Variants in IKZF3 observed in about 807,000 individuals in gnomAD.
The protein encoded by IKZF3 is zinc finger protein Aiolos.
Under a neutral mutation model 49.0 loss-of-function variants are expected in IKZF3, and 10 were observed. The ratio of observed to expected loss-of-function variants is 0.20; its 90% confidence interval spans 0.13 to 0.35. IKZF3 has a LOEUF of 0.35. IKZF3 is among the 10% of genes least tolerant of loss of function. The probability of loss-of-function intolerance (pLI) is 1.00; values close to 1 mark genes in which losing one functional copy is unlikely to be tolerated. For missense variants in IKZF3, 498 were observed against 664.8 expected (o/e 0.75, Z 2.76); for synonymous variants, 209 against 228.2 (o/e 0.92, Z 0.76).
chr17:39,783,836 G>A (rs1393575069), intron 6 of IKZF3, among the ~76,000 whole-genome samples: 4 of 152,122 alleles, frequency 2.6e-5, no homozygotes, highest in African/African-American at 9.7e-5. Flanking sequence ...GGCTGAGGCA[G>A]GAGAATTGCT....
At chr17:39,794,615 T>C (rs2061117252) in intron 3 of IKZF3, among the ~76,000 whole-genome samples, 1 of 152,194 alleles carries the variant, frequency 6.6e-6, no homozygotes, top group Admixed American at 6.5e-5. Context: ...TTCACAACTT[T>C]TCACTCTTTG....
In IKZF3 at chr17:39,791,534, T is replaced by C; in HGVS notation, c.474A>G (p.Lys158=). Reference sequence around the variant, plus strand: ...GTTTAATGTGGCGGAGGAGGTTACCTTTCTGAGTAAAAGATGCCCCACACT... The same window carrying C: ...GTTTAATGTGGCGGAGGAGGTTACCCTTCTGAGTAAAAGATGCCCCACACT... ...CNQCGASFTQ[K]GNLLRHIKLH... Residue 158 remains lysine, a synonymous_variant, in exon 5 of 8, where the codon AAA becomes AAG. Transcript: ENST00000346872. 2 of 1,614,058 alleles carry C rather than the reference T, an allele frequency of 1.2e-6. No individual in the cohort carries two copies. Among genetic ancestry groups the C allele is most frequent in the Non-Finnish European group, 1.7e-6 (2 of 1,179,968 alleles).
chr17:39,838,893 G>A (rs1001527098), intron 1 of IKZF3, among the ~76,000 whole-genome samples: 1 of 152,056 alleles, frequency 6.6e-6, no homozygotes, highest in African/African-American at 2.4e-5. Context: ...GAGTGCAGTG[G>A]CATGATCATA....
At chr17:39,798,199 C>T (rs1421585599) in intron 3 of IKZF3, among the ~76,000 whole-genome samples, 1 of 152,192 alleles carries the variant, frequency 6.6e-6, no homozygotes, top group Non-Finnish European at 1.5e-5. Context: ...TTCTCTTTGG[C>T]TCCCTTCTTT....
rs1299223688 is a variant in IKZF3, at chr17:39,761,980, C to CA, written c.*3809dup. The stretch of plus-strand genomic sequence containing the variant: ...CCAGCCTCCCAAAGTGCTGGCATTA[C>CA]AGGCGTGAGCTATCGCGCCCGGCCC... On this transcript the variant is annotated 3_prime_UTR_variant, in exon 8 of 8. Transcript: ENST00000346872. The CA allele has an allele frequency of 6.6e-6, 1 of 152,382 alleles. No homozygotes were observed. The highest frequency in any genetic ancestry group is 6.5e-5 in the Admixed American group (1 of 15,290). 9.4% of individuals were successfully genotyped at this position (152,382 alleles called of 1,614,324 possible).
In IKZF3 at chr17:39,766,245, G is replaced by A; in HGVS notation, c.1075C>T (p.Leu359=). 6.2e-7 allele frequency: 1 copy of A among 1,614,160 alleles called. No individual in the cohort carries two copies. Among genetic ancestry groups the A allele is most frequent in the Non-Finnish European group, 8.5e-7 (1 of 1,180,034 alleles). ...GGAAGGTGGATGCTTTTCTTTTCCA[G>A]CTCTTGAGGGGCACCGTTTGACATC... ...AEMSNGAPQE[L]EKKSIHLPEK... The change falls in exon 8 of 8, where the codon CTG becomes TTG. Residue 359 remains leucine, a synonymous_variant. Transcript: ENST00000346872.
At chr17:39,788,763 C>T (rs1291954721) in intron 5 of IKZF3, among the ~76,000 whole-genome samples, 1 of 152,160 alleles carries the variant, frequency 6.6e-6, no homozygotes, top group Non-Finnish European at 1.5e-5. Flanking sequence ...TTTTGGACAT[C>T]CATCTGGCTG....
intron 3 of IKZF3, among the ~76,000 whole-genome samples, chr17:39,828,630 A>C (rs886983620): frequency 6.6e-6 from 1 of 152,196 alleles, no homozygotes; most frequent in African/African-American, 2.4e-5. Context: ...AAGTAGGGAG[A>C]GTACTGTGCA....
chr17:39,769,845 A>G (rs948076283), intron 7 of IKZF3, among the ~76,000 whole-genome samples: 8 of 152,230 alleles, frequency 5.3e-5, no homozygotes, highest in African/African-American at 1.4e-4. Flanking sequence ...AAGGCCTACA[A>G]TTTCACAATC....
chr17:39,849,221 G>A (rs1183150398), intron 1 of IKZF3, among the ~76,000 whole-genome samples: 2 of 151,222 alleles, frequency 1.3e-5, no homozygotes, highest in Non-Finnish European at 2.9e-5. Context: ...ACCACCTGAG[G>A]TCAGGAGTTT....
intron 3 of IKZF3, among the ~76,000 whole-genome samples, chr17:39,802,985 ATGGGCATAATAATAAAAATAAT>A (rs2061356513): frequency 6.6e-6 from 1 of 152,212 alleles, no homozygotes; most frequent in Non-Finnish European, 1.5e-5. Flanking sequence ...TAGCTCATTC[ATGGGCATAATAATAAAAATAAT>A]TTTGCTTAAT....
chr17:39,781,087 G>A lies in IKZF3; in HGVS notation c.710-3320C>T, dbSNP rs1321627699. The stretch of plus-strand genomic sequence containing the variant: ...TGGCTGACCAGCAGTTGTAAATAAC[G>A]GGCACTTCAGCCACAAGACACTGCT... On this transcript the variant is annotated intron_variant, in intron 6 of 7. Coordinates refer to ENST00000346872, the MANE Select transcript of IKZF3 (RefSeq NM_012481.5). 3.3e-5 allele frequency among the ~76,000 whole-genome samples: 5 copies of A among 152,124 alleles called. No individual in the cohort carries two copies. The East Asian group carries it at 5.8e-4, about 18-fold the overall frequency.
At chr17:39,802,604 C>T (rs141123742) in intron 3 of IKZF3, among the ~76,000 whole-genome samples, 2,875 of 138,730 alleles carry the variant, frequency 0.021, 108 homozygotes, top group African/African-American at 0.076. Context: ...GAGACCCTGT[C>T]TCAAAAAAAA....
At chr17:39,772,615 G>A (rs539997613) in intron 7 of IKZF3, among the ~76,000 whole-genome samples, 24 of 152,314 alleles carry the variant, frequency 1.6e-4, no homozygotes, top group African/African-American at 4.8e-4. Context: ...GGAAAGAACA[G>A]AGAGAGCTGT....
At position 39,759,697 on chromosome 17, in the gene IKZF3, C is replaced by T. The variant is rs2060136718; in HGVS notation, c.*6093G>A. 6.6e-6 allele frequency: 1 copy of T among 152,214 alleles called. No individual in the cohort carries two copies. Among genetic ancestry groups the T allele is most frequent in the Non-Finnish European group, 1.5e-5 (1 of 68,090 alleles). 9.4% of individuals were successfully genotyped at this position (152,214 alleles called of 1,614,324 possible). A position where few individuals can be genotyped will look rare whatever the true frequency, so the allele number is the denominator to read the frequency against. ...CTGCCTTGGAGAACAGAGTCCTTTT[C>T]CTGAGGTGGCCCAGGTCCAGCTGCT... On this transcript the variant is annotated 3_prime_UTR_variant, in exon 8 of 8. Coordinates refer to ENST00000346872, the MANE Select transcript of IKZF3 (RefSeq NM_012481.5).
At chr17:39,815,778 T>C (rs2144144673) in intron 3 of IKZF3, among the ~76,000 whole-genome samples, 1 of 152,346 alleles carries the variant, frequency 6.6e-6, no homozygotes, top group East Asian at 1.9e-4. Flanking sequence ...TAATTGTTCA[T>C]AAGAGTGAAT....
chr17:39,774,287 A>ATTG (rs1192696800), intron 7 of IKZF3, among the ~76,000 whole-genome samples: 2 of 152,078 alleles, frequency 1.3e-5, no homozygotes, highest in Non-Finnish European at 2.9e-5. Flanking sequence ...CACCTTACCC[A>ATTG]TTGCCATTAC....
At chr17:39,785,346 T>C (rs1318932845) in intron 6 of IKZF3, among the ~76,000 whole-genome samples, 1 of 152,078 alleles carries the variant, frequency 6.6e-6, no homozygotes, top group Non-Finnish European at 1.5e-5. Flanking sequence ...CATATTTGTT[T>C]GAAAAAAAAA....
At chr17:39,833,556 A>G (rs1424457923) in intron 1 of IKZF3, among the ~76,000 whole-genome samples, 1 of 152,166 alleles carries the variant, frequency 6.6e-6, no homozygotes, top group Non-Finnish European at 1.5e-5. Context: ...CTTTCACTCA[A>G]CATAATGTTT....
Sources: allele counts gnomAD v4.1 joint callset (sites outside exome capture counted in the v4.1 genomes callset), GRCh38; gene constraint gnomAD v4.1.1; transcripts MANE v1.5; gene names NCBI Gene and HGNC (gene_info 2026-07-23, HGNC 2026-07-21).